Variants in CD226 observed in about 807,000 individuals in gnomAD.
The protein encoded by CD226 is CD226 molecule.
In CD226, 24 loss-of-function variants were observed where a neutral mutation model predicts 34.9. The ratio of observed to expected loss-of-function variants is 0.69; its 90% CI spans 0.50 to 0.97. The LOEUF is 0.97. Ranked by LOEUF, CD226 falls within the 50% of genes least tolerant of loss-of-function variation. The pLI is 0.00. For missense variants in CD226, 397 were observed against 412.7 expected (o/e 0.96, Z 0.33); for synonymous variants, 148 against 147.4 (o/e 1.00, Z -0.03).
rs2055802781 is a variant in CD226 at position 69,947,052 on chromosome 18, G to T, written c.64C>A (p.Leu22Ile). 6.2e-7 allele frequency: 1 copy of T among 1,613,524 alleles called. No homozygotes were observed. Among genetic ancestry groups the T allele is most frequent in the Non-Finnish European group, 8.5e-7 (1 of 1,179,616 alleles). The change falls in exon 2 of 6, where the codon CTT becomes ATT. Residue 22 changes from leucine to isoleucine, a missense_variant. By Grantham distance (5) the Leu-to-Ile change is conservative (BLOSUM62 2). Coordinates refer to ENST00000582621, the MANE Select transcript of CD226 (RefSeq NM_001303618.2). ...HVYRALCEEV[L>I]WHTSVPFAEN... is the part of the protein sequence containing the mutation. ...GCAAAGGGAACTGATGTATGCCAAA[G>T]CACCTCTTCACATAGAGCTGAAATA...
At chr18:69,905,563 T>C (rs1439241282) in intron 2 of CD226, among the ~76,000 whole-genome samples, 4 of 152,116 alleles carry the variant, frequency 2.6e-5, no homozygotes, top group African/African-American at 4.8e-5. Context: ...GCGGGATTGG[T>C]GGGAGACTCA....
At chr18:69,889,051 TA>T (rs909391846) in intron 3 of CD226, among the ~76,000 whole-genome samples, 2 of 151,764 alleles carry the variant, frequency 1.3e-5, no homozygotes, top group Non-Finnish European at 2.9e-5. Context: ...AATAGATCAT[TA>T]AAAAAAATGA....
Position 69,882,429 on chromosome 18 carries a change from T to C in CD226, c.728-9183A>G, listed in dbSNP as rs535380391. On this transcript the variant is annotated intron_variant, in intron 3 of 5. Coordinates refer to ENST00000582621, the MANE Select transcript of CD226 (RefSeq NM_001303618.2). ...GGTGCGATAATGTAGCATCATTCAG[T>C]ACTGTGGGCCATAAGTTCTCCACAG... Among the ~76,000 whole-genome samples the C allele has an allele frequency of 9.2e-5, 14 of 152,356 alleles. No individual in the cohort carries two copies. The South Asian group carries it at 2.5e-3, about 27-fold the overall frequency.
intron 2 of CD226, among the ~76,000 whole-genome samples, chr18:69,937,581 T>C (rs75047816): frequency 0.024 from 3,687 of 152,298 alleles, 143 homozygotes; most frequent in African/African-American, 0.083. Flanking sequence ...CTAAGATCTA[T>C]GTCTTTCTAT....
intron 5 of CD226, among the ~76,000 whole-genome samples, chr18:69,866,496 A>C (rs1465695530): frequency 1.3e-5 from 2 of 152,186 alleles, no homozygotes; most frequent in Non-Finnish European, 2.9e-5. Context: ...ATAAGGAAAT[A>C]AAAAAGTTCT....
rs1360864655 is a variant in CD226, at chr18:69,925,042, C to A, written c.382+21692G>T. On this transcript the variant is annotated intron_variant, in intron 2 of 5. Transcript: ENST00000582621. ...TACTTTAAATAAATAAGCCTTTGAC[C>A]TAACTCATGAACTGAACAAAACGTT... 2.6e-5 allele frequency among the ~76,000 whole-genome samples: 4 copies of A among 152,164 alleles called. No homozygotes were observed. The South Asian group carries it at 8.3e-4, about 32-fold the overall frequency.
At chr18:69,945,802 C>T (rs779102750) in intron 2 of CD226, among the ~76,000 whole-genome samples, 5 of 152,142 alleles carry the variant, frequency 3.3e-5, no homozygotes, top group Non-Finnish European at 5.9e-5. Flanking sequence ...ATTGGACTTA[C>T]AGCACCACAT....
At chr18:69,925,073 C>T (rs866484624) in intron 2 of CD226, among the ~76,000 whole-genome samples, 8 of 152,112 alleles carry the variant, frequency 5.3e-5, no homozygotes, top group South Asian at 2.1e-4. Context: ...ACGTTCTCAC[C>T]GGGAACAAAA....
At chr18:69,950,971 T>TTG (rs57098005), upstream of CD226, among the ~76,000 whole-genome samples, 3,725 of 132,592 alleles carry the variant, frequency 0.028, 79 homozygotes, top group African/African-American at 0.069. Context: ...AACTATGATT[T>TTG]TGTGTGTGTG....
chr18:69,879,544 T>C (rs1227140887), intron 3 of CD226, among the ~76,000 whole-genome samples: 2 of 121,404 alleles, frequency 1.6e-5, no homozygotes, highest in East Asian at 2.2e-4. Context: ...TTATCTCCCT[T>C]GTTCTCTGAA....
At position 69,927,393 on chromosome 18, in the gene CD226, C is replaced by G. The variant is rs185469085; in HGVS notation, c.382+19341G>C. Among the ~76,000 whole-genome samples the G allele has an allele frequency of 3.3e-4, 49 of 149,194 alleles. 1 individual carries two copies. The highest frequency in any genetic ancestry group is 2.9e-3 in the Admixed American group (43 of 15,084). On this transcript the variant is annotated intron_variant, in intron 2 of 5. Transcript: ENST00000582621. Reference sequence around the variant, plus strand: ...ACACACACACACACACACACAAACACACACACACACACATATACCATCTTA... The same window carrying G: ...ACACACACACACACACACACAAACAGACACACACACACATATACCATCTTA...
intron 2 of CD226, among the ~76,000 whole-genome samples, chr18:69,917,806 T>A (rs577539767): frequency 1.3e-5 from 2 of 152,304 alleles, no homozygotes; most frequent in South Asian, 4.1e-4. Context: ...GATCAAAGAT[T>A]GAGTCTCCTG....
At chr18:69,902,586 C>A (rs1477839006) in intron 2 of CD226, among the ~76,000 whole-genome samples, 1 of 150,760 alleles carries the variant, frequency 6.6e-6, no homozygotes, top group East Asian at 2.0e-4. Context: ...GTGTGTTGTG[C>A]CCCCAGGAGT....
intron 2 of CD226, among the ~76,000 whole-genome samples, chr18:69,927,797 T>C: frequency 6.6e-6 from 1 of 152,242 alleles, no homozygotes. Flanking sequence ...ATAATAGATA[T>C]ACACTGTAGA....
In CD226 at chr18:69,864,222, A is replaced by C; in HGVS notation, c.*92T>G. On this transcript the variant is annotated 3_prime_UTR_variant, in exon 6 of 6. Transcript: ENST00000582621. ...ACTCAATTCAGACAACTAGTATCTAAGGTAGACCTTGGGTAGTGGAAAAAA... is the reference window on the plus strand; with the variant it reads ...ACTCAATTCAGACAACTAGTATCTACGGTAGACCTTGGGTAGTGGAAAAAA... 3 of 1,113,910 alleles carry C rather than the reference A, an allele frequency of 2.7e-6. 1 individual carries two copies. In the South Asian group the frequency reaches 4.4e-5, roughly 16 times the overall value. The allele number at this position is 1,113,910 out of a possible 1,614,324, so 69.0% of individuals were successfully genotyped here.
chr18:69,931,160 C>A (rs1166266838), intron 2 of CD226, among the ~76,000 whole-genome samples: 2 of 151,996 alleles, frequency 1.3e-5, no homozygotes, highest in Admixed American at 6.5e-5. Flanking sequence ...CATGTTCTCA[C>A]TCATAGGTGG....
intron 5 of CD226, 30 bp from the exon 6 acceptor site, chr18:69,864,469 T>C (rs1374119650): frequency 1.2e-6 from 2 of 1,606,104 alleles, no homozygotes; most frequent in Non-Finnish European, 8.5e-7. Flanking sequence ...AGAGTGTCAA[T>C]AATTCACTGC....
intron 3 of CD226, among the ~76,000 whole-genome samples, chr18:69,888,801 C>T (rs1243437569): frequency 6.6e-6 from 1 of 152,124 alleles, no homozygotes; most frequent in East Asian, 1.9e-4. Flanking sequence ...GTACAGTCAA[C>T]AATGTTCTTC....
intron 2 of CD226, among the ~76,000 whole-genome samples, chr18:69,923,768 A>C (rs1219890477): frequency 5.3e-4 from 80 of 151,876 alleles, no homozygotes; most frequent in Non-Finnish European, 9.0e-4. Context: ...CCCGGCTAAA[A>C]ACGGTGAAAC....
Sources: gnomAD v4.1 joint callset for allele counts (sites outside exome capture counted in the v4.1 genomes callset) on GRCh38, gnomAD v4.1.1 for gene constraint, MANE v1.5 for transcripts, NCBI Gene and HGNC (gene_info 2026-07-23, HGNC 2026-07-21) for gene names.